FAM135B: variants seen among roughly 807,000 people sequenced by gnomAD.
FAM135B encodes protein FAM135B.
A neutral mutation model predicts 127.7 loss-of-function variants in FAM135B; 43 were observed. The ratio of observed to expected loss-of-function variants is 0.34; its 90% CI spans 0.26 to 0.43. The LOEUF (loss-of-function observed/expected upper bound fraction) is 0.43. Among genes scored for constraint, FAM135B ranks in the 20% least tolerant of loss-of-function variants. The pLI, the probability that FAM135B is intolerant of heterozygous loss-of-function variation, is 1.00. For missense variants in FAM135B, 1,558 were observed against 1,725.6 expected (o/e 0.90, Z 1.72); for synonymous variants, 670 against 665.1 (o/e 1.01, Z -0.11).
intron 7 of FAM135B, among the ~76,000 whole-genome samples, chr8:138,204,696 A>G (rs1209375660): frequency 2.0e-5 from 3 of 152,256 alleles, no homozygotes; most frequent in African/African-American, 7.2e-5. Context: ...TAATCATGCT[A>G]TAGAAATTTA....
intron 9 of FAM135B, among the ~76,000 whole-genome samples, chr8:138,186,488 T>G (rs1195160888): frequency 6.6e-6 from 1 of 152,116 alleles, no homozygotes; most frequent in East Asian, 1.9e-4. Context: ...ATGCTCTACC[T>G]CTAAACAGTG....
At chr8:138,205,781 T>C (rs1279749974) in intron 7 of FAM135B, among the ~76,000 whole-genome samples, 2 of 151,728 alleles carry the variant, frequency 1.3e-5, no homozygotes, top group Non-Finnish European at 2.9e-5. Context: ...GTCTCCTCAT[T>C]GACATTCCAC....
chr8:138,378,815 T>C (rs1250955091), intron 1 of FAM135B, among the ~76,000 whole-genome samples: 2 of 152,158 alleles, frequency 1.3e-5, no homozygotes, highest in African/African-American at 4.8e-5. Context: ...TGAGATTCTA[T>C]GTCCCCCTTA....
intron 7 of FAM135B, among the ~76,000 whole-genome samples, chr8:138,202,027 A>C (rs1586758528): frequency 6.6e-6 from 1 of 151,184 alleles, no homozygotes; most frequent in African/African-American, 2.4e-5. Context: ...CAGGAGGCTG[A>C]GGCAGGAGAA....
intron 1 of FAM135B, among the ~76,000 whole-genome samples, chr8:138,411,265 C>T (rs962256138): frequency 3.3e-5 from 5 of 152,010 alleles, no homozygotes; most frequent in African/African-American, 4.8e-5. Flanking sequence ...GTAACCAAAA[C>T]AGCATGGTAC....
rs114595052 is a variant in FAM135B at position 138,315,443 on chromosome 8, A to G, written c.78-4523T>C. ...TCAAAAAAGTAAAAATAAAATTGCC[A>G]TATGACCCAGAAACCCCCTCTGCTC... On this transcript the variant is annotated intron_variant, in intron 2 of 19. Coordinates refer to ENST00000395297, the MANE Select transcript of FAM135B (RefSeq NM_015912.4). Among the ~76,000 whole-genome samples, 1,507 of 152,302 alleles carry G rather than the reference A, an allele frequency of 9.9e-3. 31 individuals are homozygous for G. Among genetic ancestry groups the G allele is most frequent in the African/African-American group, 0.034 (1,417 of 41,556 alleles).
At chr8:138,390,355 AG>A (rs1005722917) in intron 1 of FAM135B, among the ~76,000 whole-genome samples, 3 of 152,062 alleles carry the variant, frequency 2.0e-5, no homozygotes, top group Admixed American at 1.3e-4. Flanking sequence ...TGGTTTTATA[AG>A]GGGAAACCCC....
chr8:138,225,830 T>C (rs1008374861), intron 7 of FAM135B, among the ~76,000 whole-genome samples: 3 of 152,124 alleles, frequency 2.0e-5, no homozygotes, highest in Admixed American at 1.3e-4. Context: ...AGTTCTGAGC[T>C]TTCAACACCA....
chr8:138,490,792 T>G (rs1436679282), intron 1 of FAM135B, among the ~76,000 whole-genome samples: 4 of 152,146 alleles, frequency 2.6e-5, no homozygotes, highest in Non-Finnish European at 2.9e-5. Flanking sequence ...TTAGAGAATA[T>G]GACGTCACTT....
At chr8:138,199,982 A>C (rs1444960237) in intron 7 of FAM135B, among the ~76,000 whole-genome samples, 3 of 152,180 alleles carry the variant, frequency 2.0e-5, no homozygotes, top group Non-Finnish European at 4.4e-5. Context: ...TTGCGGGAGC[A>C]GCTCTCTCCA....
intron 3 of FAM135B, among the ~76,000 whole-genome samples, chr8:138,298,415 A>G (rs1825627862): frequency 6.6e-6 from 1 of 152,226 alleles, no homozygotes; most frequent in African/African-American, 2.4e-5. Flanking sequence ...CAAAGACCTG[A>G]ATTAATTAAG....
chr8:138,294,166 GT>G (rs1463750631), intron 3 of FAM135B, among the ~76,000 whole-genome samples: 4 of 152,146 alleles, frequency 2.6e-5, no homozygotes. Context: ...AATACTGTAT[GT>G]TCTTATAAGT....
chr8:138,268,886 T>C (rs1474285844), intron 3 of FAM135B, among the ~76,000 whole-genome samples: 1 of 152,192 alleles, frequency 6.6e-6, no homozygotes, highest in African/African-American at 2.4e-5. Context: ...TCTGTCTTCT[T>C]CTTTTGTGGG....
intron 1 of FAM135B, among the ~76,000 whole-genome samples, chr8:138,435,587 G>C (rs891369879): frequency 1.3e-5 from 2 of 151,992 alleles, no homozygotes; most frequent in Admixed American, 1.3e-4. Flanking sequence ...AAATACAATA[G>C]CAATATCTAT....
chr8:138,233,829 C>T (rs887511204), intron 7 of FAM135B, among the ~76,000 whole-genome samples: 1 of 151,874 alleles, frequency 6.6e-6, no homozygotes. Flanking sequence ...ACAACAACAA[C>T]AAATAAATAA....
intron 1 of FAM135B, among the ~76,000 whole-genome samples, chr8:138,462,286 T>C (rs781767809): frequency 6.6e-6 from 1 of 152,184 alleles, no homozygotes; most frequent in Non-Finnish European, 1.5e-5. Flanking sequence ...CAACACATTG[T>C]TCCATTGATC....
intron 13 of FAM135B, among the ~76,000 whole-genome samples, chr8:138,149,580 G>A (rs1586603864): frequency 1.3e-5 from 2 of 152,176 alleles, no homozygotes; most frequent in Non-Finnish European, 2.9e-5. Context: ...GGACTCTGGA[G>A]TCAGACTGCC....
intron 1 of FAM135B, among the ~76,000 whole-genome samples, chr8:138,401,049 G>A (rs1224161415): frequency 6.6e-6 from 1 of 152,056 alleles, no homozygotes; most frequent in East Asian, 1.9e-4. Context: ...CTCTAATTGG[G>A]CATTTATTTA....
chr8:138,185,546 G>A (rs1030702222), intron 9 of FAM135B, among the ~76,000 whole-genome samples: 1 of 152,054 alleles, frequency 6.6e-6, no homozygotes, highest in Non-Finnish European at 1.5e-5. Context: ...CGCAATCTCC[G>A]CCACTCCCCA....
Sources: allele counts gnomAD v4.1 joint callset (sites outside exome capture counted in the v4.1 genomes callset), GRCh38; gene constraint gnomAD v4.1.1; transcripts MANE v1.5; gene names NCBI Gene and HGNC (gene_info 2026-07-23, HGNC 2026-07-21).